The following PRIM2 variants were observed in gnomAD, a reference collection of about 807,000 sequenced individuals.
PRIM2 encodes the protein DNA primase large subunit.
PRIM2 carries 39 observed loss-of-function variants against 67.3 expected under a neutral mutation model. That is an observed-to-expected ratio of 0.58 (90% CI 0.45 to 0.76). The LOEUF is 0.76. PRIM2 is among the 30% of genes least tolerant of loss of function. PRIM2 has a pLI of 0.00. For synonymous variants in PRIM2, 143 were observed against 198.7 expected (o/e 0.72, Z 2.36); for missense variants, 398 against 598.7 (o/e 0.66, Z 3.50).
intron 10 of PRIM2, among the ~76,000 whole-genome samples, chr6:57,563,938 C>T (rs1353372817): frequency 4.6e-4 from 70 of 152,314 alleles, no homozygotes; most frequent in African/African-American, 4.8e-4. Context: ...GGATTACAGG[C>T]GTGAGCTGAT....
chr6:57,480,434 G>T (rs1773587936), intron 7 of PRIM2, among the ~76,000 whole-genome samples: 1 of 152,020 alleles, frequency 6.6e-6, no homozygotes, highest in Non-Finnish European at 1.5e-5. Flanking sequence ...ATTAATGTTA[G>T]TACACAGAGC....
At chr6:57,566,367 G>A (rs1255587135) in intron 10 of PRIM2, among the ~76,000 whole-genome samples, 5 of 151,974 alleles carry the variant, frequency 3.3e-5, no homozygotes, top group Non-Finnish European at 7.4e-5. Context: ...CTAATGGTTT[G>A]TCTATCGAAT....
intron 7 of PRIM2, among the ~76,000 whole-genome samples, chr6:57,458,521 T>C (rs2127395386): frequency 6.6e-6 from 1 of 152,046 alleles, no homozygotes; most frequent in East Asian, 1.9e-4. Context: ...CTGTCTCTAC[T>C]AAAAATACAA....
intron 10 of PRIM2, among the ~76,000 whole-genome samples, chr6:57,560,568 T>C (rs1775606470): frequency 6.6e-6 from 1 of 151,300 alleles, no homozygotes; most frequent in East Asian, 1.9e-4. Context: ...TCTATGGCAA[T>C]GATATCCTAA....
intron 10 of PRIM2, among the ~76,000 whole-genome samples, chr6:57,550,056 GC>G (rs1307219072): frequency 3.3e-5 from 5 of 152,102 alleles, no homozygotes; most frequent in Non-Finnish European, 5.9e-5. Context: ...TTGCACTCCA[GC>G]CTGGGCAACA....
intron 7 of PRIM2, among the ~76,000 whole-genome samples, chr6:57,483,073 A>G (rs1240489325): frequency 1.3e-5 from 2 of 151,834 alleles, no homozygotes; most frequent in Non-Finnish European, 2.9e-5. Context: ...ACGCCTGGCT[A>G]ATTTTTGTAT....
At chr6:57,355,226 CT>C (rs1170077080) in intron 5 of PRIM2, among the ~76,000 whole-genome samples, 29 of 150,650 alleles carry the variant, frequency 1.9e-4, no homozygotes, top group Non-Finnish European at 3.4e-4. Flanking sequence ...ATCACTTGAA[CT>C]CGAGAGGCGG....
At chr6:57,306,114 A>G in the PRIM2 span, among the ~76,000 whole-genome samples, 1 of 152,196 alleles carries the variant, frequency 6.6e-6, no homozygotes, top group Admixed American at 6.5e-5. Context: ...GTTTTGCTGA[A>G]TACTATGTTC....
chr6:57,331,136 C>G (rs9464435), intron 5 of PRIM2, among the ~76,000 whole-genome samples: 1 of 149,594 alleles, frequency 6.7e-6, no homozygotes, highest in Non-Finnish European at 1.5e-5. Context: ...TGCAGTGAGC[C>G]GAGATCGTAC....
chr6:57,563,008 A>G (rs1420134138), intron 10 of PRIM2, among the ~76,000 whole-genome samples: 14 of 152,152 alleles, frequency 9.2e-5, no homozygotes, highest in African/African-American at 3.4e-4. Flanking sequence ...GTTTGGGCCA[A>G]TTTTTTTCAA....
intron 8 of PRIM2, among the ~76,000 whole-genome samples, chr6:57,517,697 A>G (rs1289708910): frequency 6.6e-6 from 1 of 152,186 alleles, no homozygotes; most frequent in Non-Finnish European, 1.5e-5. Flanking sequence ...TAGCCCTGGA[A>G]AAGCTATATG....
chr6:57,620,162 C>T (rs1372642726), intron 12 of PRIM2, among the ~76,000 whole-genome samples: 4 of 152,148 alleles, frequency 2.6e-5, no homozygotes, highest in African/African-American at 9.7e-5. Flanking sequence ...TGCCACTGCA[C>T]TCCAACTTGG....
At chr6:57,488,401 G>A (rs1311161060) in intron 7 of PRIM2, among the ~76,000 whole-genome samples, 3 of 152,224 alleles carry the variant, frequency 2.0e-5, no homozygotes, top group African/African-American at 7.2e-5. Flanking sequence ...TACTCCAGGA[G>A]CAGTGTTCTT....
At chr6:57,556,367 A>C (rs1775513613) in intron 10 of PRIM2, among the ~76,000 whole-genome samples, 2 of 152,210 alleles carry the variant, frequency 1.3e-5, no homozygotes, top group African/African-American at 4.8e-5. Flanking sequence ...AGCTGGAGGC[A>C]TCATGTTATC....
At position 57,646,084 on chromosome 6, in the gene PRIM2, G is replaced by T; in HGVS notation, c.1456G>T (p.Ala486Ser). 6.2e-7 allele frequency: 1 copy of T among 1,603,980 alleles called. No homozygotes were observed. Among genetic ancestry groups the T allele is most frequent in the Admixed American group, 1.7e-5 (1 of 60,002 alleles). The change falls in exon 14 of 14, where the codon GCT becomes TCT. Residue 486 changes from alanine to serine, a missense_variant. By Grantham distance (99) the Ala-to-Ser change is moderately conservative (BLOSUM62 1). Around this residue, in one of 4 missense-constraint regions of PRIM2, gnomAD observed 72 missense variants for 89.4 expected, o/e 0.81. Coordinates refer to ENST00000615550, the MANE Select transcript of PRIM2 (RefSeq NM_000947.5). ...SVQKTKDASS[A>S]LASLNSSLEM... The stretch of plus-strand genomic sequence containing the variant: ...CCAGAAAACCAAGGATGCATCATCT[G>T]CTCTGGCCTCTTTAAATTCCTCTCT...
chr6:57,296,628 T>C, the PRIM2 span, among the ~76,000 whole-genome samples: 1 of 151,382 alleles, frequency 6.6e-6, no homozygotes, highest in Non-Finnish European at 1.5e-5. Context: ...GGTAGGGTGG[T>C]GGTAGGGGAG....
At chr6:57,438,411 C>G (rs988716242) in intron 7 of PRIM2, among the ~76,000 whole-genome samples, 3 of 152,116 alleles carry the variant, frequency 2.0e-5, no homozygotes, top group Admixed American at 2.0e-4. Context: ...ATAGGAAGTG[C>G]TTTACTGGCT....
the PRIM2 span, among the ~76,000 whole-genome samples, chr6:57,236,797 T>A: frequency 6.6e-6 from 1 of 152,224 alleles, no homozygotes; most frequent in African/African-American, 2.4e-5. Context: ...TGCCACATTT[T>A]CTTAATCCAG....
At chr6:57,363,976 A>AT (rs1769274353) in intron 5 of PRIM2, among the ~76,000 whole-genome samples, 1 of 145,270 alleles carries the variant, frequency 6.9e-6, no homozygotes, top group Admixed American at 6.8e-5. Context: ...GTTACAGATT[A>AT]TTTTTTCTGA....
Sources: allele counts gnomAD v4.1 joint callset (sites outside exome capture counted in the v4.1 genomes callset), GRCh38; gene constraint gnomAD v4.1.1; regional missense constraint gnomAD v4.1.1; transcripts MANE v1.5; gene names NCBI Gene and HGNC (gene_info 2026-07-23, HGNC 2026-07-21).